The following AGBL1 variants were observed in gnomAD, a reference collection of about 807,000 sequenced individuals.
The protein encoded by AGBL1 is cytosolic carboxypeptidase 4.
AGBL1 carries 130 observed loss-of-function variants against 118.9 expected under a neutral mutation model. That is an observed-to-expected ratio of 1.09 (90% CI 0.95 to 1.26). The LOEUF is 1.26. Ranked by LOEUF, AGBL1 falls within the 50% of genes most tolerant of loss-of-function variation. The pLI is 0.00. For synonymous variants in AGBL1, 555 were observed against 478.9 expected (o/e 1.16, Z -2.08); for missense variants, 1,584 against 1,298.1 (o/e 1.22, Z -3.38).
intron 22 of AGBL1, among the ~76,000 whole-genome samples, chr15:86,719,087 A>G (rs777474166): frequency 6.6e-6 from 1 of 152,160 alleles, no homozygotes; most frequent in Non-Finnish European, 1.5e-5. Flanking sequence ...TCTCTGGGAA[A>G]CATACCATCA....
intron 22 of AGBL1, among the ~76,000 whole-genome samples, chr15:86,831,676 C>A (rs998072692): frequency 6.6e-6 from 1 of 152,226 alleles, no homozygotes; most frequent in African/African-American, 2.4e-5. Context: ...AGCCTCCCTC[C>A]TGGCTGCTTT....
intron 23 of AGBL1, among the ~76,000 whole-genome samples, chr15:86,961,522 A>T (rs1317008027): frequency 6.6e-6 from 1 of 152,054 alleles, no homozygotes; most frequent in Non-Finnish European, 1.5e-5. Context: ...GGTTACACAC[A>T]GGGGAGAGGG....
intron 6 of AGBL1, among the ~76,000 whole-genome samples, chr15:86,235,131 C>T (rs1391850281): frequency 6.6e-6 from 1 of 152,164 alleles, no homozygotes; most frequent in African/African-American, 2.4e-5. Context: ...GGGCTGTGGG[C>T]AATTTGCTGA....
chr15:86,967,745 G>A (rs937225696), intron 23 of AGBL1, among the ~76,000 whole-genome samples: 3 of 152,090 alleles, frequency 2.0e-5, no homozygotes, highest in African/African-American at 7.2e-5. Flanking sequence ...AGTATAGTTT[G>A]AAGTTACGTA....
intron 21 of AGBL1, among the ~76,000 whole-genome samples, chr15:86,657,740 A>G (rs1264235208): frequency 6.6e-6 from 1 of 152,058 alleles, no homozygotes; most frequent in Non-Finnish European, 1.5e-5. Flanking sequence ...ATCTCACATC[A>G]TAAGGAAGGA....
At chr15:86,561,901 A>C (rs1420550764) in intron 21 of AGBL1, among the ~76,000 whole-genome samples, 1 of 152,008 alleles carries the variant, frequency 6.6e-6, no homozygotes, top group Non-Finnish European at 1.5e-5. Context: ...TAGGTATTTT[A>C]TTCTCTTTGA....
chr15:86,956,809 T>C (rs1309480703), intron 23 of AGBL1, among the ~76,000 whole-genome samples: 2 of 152,168 alleles, frequency 1.3e-5, no homozygotes, highest in Non-Finnish European at 2.9e-5. Context: ...TACATTTTCA[T>C]AGAGCAATGT....
At chr15:86,222,622 TG>T (rs1435479954) in intron 5 of AGBL1, among the ~76,000 whole-genome samples, 1 of 152,190 alleles carries the variant, frequency 6.6e-6, no homozygotes, top group Non-Finnish European at 1.5e-5. Context: ...TCTCCATCAT[TG>T]CCCTAAATGT....
At chr15:86,354,055 T>A (rs2080674032) in intron 17 of AGBL1, among the ~76,000 whole-genome samples, 1 of 152,230 alleles carries the variant, frequency 6.6e-6, no homozygotes, top group Admixed American at 6.5e-5. Context: ...TGATTTGCAC[T>A]TCTGCATAGA....
chr15:86,827,051 GT>G (rs2079020991), intron 22 of AGBL1, among the ~76,000 whole-genome samples: 1 of 151,264 alleles, frequency 6.6e-6, no homozygotes, highest in Non-Finnish European at 1.5e-5. Context: ...GTCATTGCAA[GT>G]ACATGTGGTA....
At chr15:86,236,952 C>CGGGCG (rs2078559357) in intron 6 of AGBL1, among the ~76,000 whole-genome samples, 1 of 10,316 alleles carries the variant, frequency 9.7e-5, no homozygotes, top group East Asian at 2.6e-3. Flanking sequence ...CGGGGGGGGG[C>CGGGCG]GGGGGGGCGC....
At chr15:86,288,164 T>G (rs2079484356) in intron 16 of AGBL1, among the ~76,000 whole-genome samples, 1 of 152,152 alleles carries the variant, frequency 6.6e-6, no homozygotes, top group Admixed American at 6.6e-5. Context: ...TTAGTCTAGA[T>G]TTTGATAATA....
At chr15:86,574,948 T>C (rs2142318776) in intron 21 of AGBL1, among the ~76,000 whole-genome samples, 1 of 151,894 alleles carries the variant, frequency 6.6e-6, no homozygotes, top group East Asian at 2.0e-4. Context: ...CCCAGCACTT[T>C]GGGAGGCTGA....
At chr15:86,872,786 T>C (rs2079748615) in intron 22 of AGBL1, among the ~76,000 whole-genome samples, 1 of 152,064 alleles carries the variant, frequency 6.6e-6, no homozygotes, top group East Asian at 1.9e-4. Flanking sequence ...AAGTACTTTC[T>C]ATGCCAGTTA....
chr15:86,795,296 C>A (rs923127557), intron 22 of AGBL1, among the ~76,000 whole-genome samples: 9 of 152,044 alleles, frequency 5.9e-5, no homozygotes, highest in Admixed American at 1.3e-4. Context: ...ATTGGTGGAG[C>A]CCTGTTGTGA....
intron 21 of AGBL1, among the ~76,000 whole-genome samples, chr15:86,577,632 G>T (rs1181960741): frequency 1.3e-5 from 2 of 152,114 alleles, no homozygotes; most frequent in Admixed American, 1.3e-4. Flanking sequence ...AGATCTGAGG[G>T]GAAAAAGTGG....
At chr15:86,352,951 C>G (rs2080653181) in intron 17 of AGBL1, among the ~76,000 whole-genome samples, 1 of 152,052 alleles carries the variant, frequency 6.6e-6, no homozygotes, top group Admixed American at 6.6e-5. Flanking sequence ...GGATTGTGTT[C>G]TACATGTCAG....
Position 86,666,285 on chromosome 15 carries a change from C to T in AGBL1, c.2995-7988C>T, listed in dbSNP as rs549804389. On this transcript the variant is annotated intron_variant, in intron 21 of 22. Transcript: ENST00000614907. ...TTTCATTCTCAGATATTTTATAGTT[C>T]TGTTGCTATTGTGAATGGAATTTTT... is the stretch of plus-strand genomic sequence containing the variant. Among the ~76,000 whole-genome samples the T allele has an allele frequency of 2.6e-5, 4 of 152,116 alleles. No individual in the cohort carries two copies. The South Asian group carries it at 8.3e-4, about 32-fold the overall frequency.
chr15:86,370,285 C>T (rs1392036778), intron 17 of AGBL1, among the ~76,000 whole-genome samples: 1 of 150,544 alleles, frequency 6.6e-6, no homozygotes, highest in Non-Finnish European at 1.5e-5. Context: ...AAGCCTCATT[C>T]CCACTGTCTC....
Sources: gnomAD v4.1 joint callset for allele counts (sites outside exome capture counted in the v4.1 genomes callset) on GRCh38, gnomAD v4.1.1 for gene constraint, MANE v1.5 for transcripts, NCBI Gene and HGNC (gene_info 2026-07-23, HGNC 2026-07-21) for gene names.